Variants in PALLD observed in about 807,000 individuals in gnomAD.
PALLD encodes the protein palladin, cytoskeletal associated protein.
PALLD carries 61 observed loss-of-function variants against 123.5 expected under a neutral mutation model. That is an observed-to-expected ratio of 0.49 (90% CI 0.40 to 0.61). The LOEUF is 0.61. PALLD is among the 20% of genes least tolerant of loss of function. The pLI is 0.00. For synonymous variants in PALLD, 465 were observed against 496.4 expected (o/e 0.94, Z 0.84); for missense variants, 1,273 against 1,377.0 (o/e 0.92, Z 1.20).
At chr4:168,727,926 G>A (rs1481696269) in intron 10 of PALLD, among the ~76,000 whole-genome samples, 2 of 152,072 alleles carry the variant, frequency 1.3e-5, no homozygotes, top group African/African-American at 4.8e-5. Flanking sequence ...CTTTTGCATA[G>A]GGCTAGCCAG....
At chr4:168,520,347 A>AGAGAGAGAGCG (rs11420544) in intron 2 of PALLD, among the ~76,000 whole-genome samples, 26 of 84,038 alleles carry the variant, frequency 3.1e-4, no homozygotes, top group Non-Finnish European at 3.5e-4. Flanking sequence ...AAAAAAAAAA[A>AGAGAGAGAGCG]AGAGAGAGAG....
chr4:168,897,046 G>A (rs1466154512), intron 13 of PALLD, among the ~76,000 whole-genome samples: 1 of 152,118 alleles, frequency 6.6e-6, no homozygotes, highest in African/African-American at 2.4e-5. Context: ...GGTCAGGCTG[G>A]TCTCGAACTT....
intron 10 of PALLD, among the ~76,000 whole-genome samples, chr4:168,880,331 G>A (rs753995217): frequency 2.6e-5 from 4 of 152,156 alleles, no homozygotes; most frequent in South Asian, 4.1e-4. Context: ...AAGTCGTGCC[G>A]ATTTTGTGGC....
intron 2 of PALLD, among the ~76,000 whole-genome samples, chr4:168,647,528 C>A (rs1777586521): frequency 6.6e-6 from 1 of 152,104 alleles, no homozygotes; most frequent in Non-Finnish European, 1.5e-5. Flanking sequence ...TGCCTGTAAT[C>A]CCAGCACTTT....
At chr4:168,563,315 G>A (rs967875990) in intron 2 of PALLD, among the ~76,000 whole-genome samples, 9 of 152,194 alleles carry the variant, frequency 5.9e-5, no homozygotes, top group Admixed American at 2.0e-4. Context: ...ACATAAGGCA[G>A]TTAAAGGCAT....
intron 2 of PALLD, among the ~76,000 whole-genome samples, chr4:168,653,074 C>T (rs1175555289): frequency 6.6e-6 from 1 of 152,174 alleles, no homozygotes; most frequent in Non-Finnish European, 1.5e-5. Flanking sequence ...CTTTACAACA[C>T]CTCTGTCAAT....
intron 10 of PALLD, among the ~76,000 whole-genome samples, chr4:168,721,784 A>G (rs1191282463): frequency 6.6e-6 from 1 of 152,188 alleles, no homozygotes; most frequent in Non-Finnish European, 1.5e-5. Flanking sequence ...CAGAAGTGGA[A>G]TGCTCTGGCA....
chr4:168,662,016 T>C (rs1488864509), intron 2 of PALLD, among the ~76,000 whole-genome samples: 1 of 152,234 alleles, frequency 6.6e-6, no homozygotes, highest in Non-Finnish European at 1.5e-5. Flanking sequence ...CCAAATATTG[T>C]ATGATCTTTC....
chr4:168,879,618 G>A (rs774086159), intron 10 of PALLD, among the ~76,000 whole-genome samples: 10 of 152,228 alleles, frequency 6.6e-5, no homozygotes, highest in Non-Finnish European at 1.3e-4. Context: ...GTCGGGCCTC[G>A]ACAAAGGTGT....
At chr4:168,741,129 A>G (rs1435104794) in intron 10 of PALLD, among the ~76,000 whole-genome samples, 1 of 152,198 alleles carries the variant, frequency 6.6e-6, no homozygotes, top group Non-Finnish European at 1.5e-5. Flanking sequence ...GCTCATTTCC[A>G]TAAAACTAAA....
At chr4:168,541,531 T>C (rs1250853695) in intron 2 of PALLD, among the ~76,000 whole-genome samples, 3 of 152,030 alleles carry the variant, frequency 2.0e-5, no homozygotes, top group South Asian at 2.1e-4. Context: ...TGGAGTGCAG[T>C]GGCATGAGGC....
At chr4:168,761,658 T>TTTTTTTTTTTTTTTTTTTTTTTTTG (rs1732924246) in intron 10 of PALLD, among the ~76,000 whole-genome samples, 5 of 43,072 alleles carry the variant, frequency 1.2e-4, no homozygotes, top group Non-Finnish European at 2.7e-4. Flanking sequence ...TTTTTTTTTT[T>TTTTTTTTTTTTTTTTTTTTTTTTTG]TTTTTTTTTT....
chr4:168,624,094 A>T (rs1775013287), intron 2 of PALLD, among the ~76,000 whole-genome samples: 1 of 152,218 alleles, frequency 6.6e-6, no homozygotes, highest in Admixed American at 6.5e-5. Context: ...AAAGATAGAA[A>T]CATTACAAAT....
At chr4:168,858,349 A>C (rs1308156718) in intron 10 of PALLD, among the ~76,000 whole-genome samples, 1 of 152,240 alleles carries the variant, frequency 6.6e-6, no homozygotes, top group African/African-American at 2.4e-5. Context: ...TTGATCAAGC[A>C]TAAATACTTT....
chr4:168,691,143 G>T (rs922617781), intron 7 of PALLD, 126 bp from the exon 8 acceptor site: 2 of 720,310 alleles, frequency 2.8e-6, no homozygotes, highest in African/African-American at 1.8e-5. Flanking sequence ...GATGGAGTTT[G>T]ACTGTAACAT....
chr4:168,923,097 T>C (rs137981597), intron 18 of PALLD, among the ~76,000 whole-genome samples: 97 of 152,334 alleles, frequency 6.4e-4, no homozygotes, highest in African/African-American at 2.3e-3. Flanking sequence ...TGCAAAGTGG[T>C]AGATGTTATT....
At chr4:168,867,914 A>G (rs1425418724) in intron 10 of PALLD, among the ~76,000 whole-genome samples, 3 of 151,974 alleles carry the variant, frequency 2.0e-5, no homozygotes, top group Non-Finnish European at 4.4e-5. Context: ...GAGAAAAAAA[A>G]AAAAAGAAAA....
chr4:168,629,430 G>A (rs139360284), intron 2 of PALLD, among the ~76,000 whole-genome samples: 1,755 of 152,292 alleles, frequency 0.012, 25 homozygotes, highest in African/African-American at 0.039. Context: ...GGAGATGTAT[G>A]GACTGGGCAT....
chr4:168,657,264 C>T (rs1275346813), intron 2 of PALLD, among the ~76,000 whole-genome samples: 2 of 152,190 alleles, frequency 1.3e-5, no homozygotes, highest in Non-Finnish European at 1.5e-5. Context: ...TTCTGTTTAA[C>T]TTTCTGACAG....
Sources: allele counts gnomAD v4.1 joint callset (sites outside exome capture counted in the v4.1 genomes callset), GRCh38; gene constraint gnomAD v4.1.1; transcripts MANE v1.5; gene names NCBI Gene and HGNC (gene_info 2026-07-23, HGNC 2026-07-21).